Variants in DNAJC1 observed in about 807,000 individuals in gnomAD.
DNAJC1 encodes the protein DnaJ heat shock protein family (Hsp40) member C1.
In DNAJC1, 58 loss-of-function variants were observed where a neutral mutation model predicts 76.6. The ratio of observed to expected loss-of-function variants is 0.76; its 90% confidence interval spans 0.61 to 0.94. DNAJC1 has a LOEUF of 0.94. Ranked by LOEUF, DNAJC1 falls within the 40% of genes least tolerant of loss-of-function variation. The probability of loss-of-function intolerance (pLI) is 0.00; values close to 1 mark genes in which losing one functional copy is unlikely to be tolerated. For missense variants in DNAJC1, 689 were observed against 677.3 expected, an observed-to-expected ratio of 1.02 and a Z score of -0.19; for synonymous variants, 258 against 267.9, an observed-to-expected ratio of 0.96 and a Z score of 0.36.
intron 6 of DNAJC1, 36 bp from the exon 7 acceptor site, chr10:21,904,648 A>C (rs1160572935): frequency 7.7e-7 from 1 of 1,301,002 alleles, no homozygotes; most frequent in East Asian, 2.4e-5. Context: ...TTAACATAAA[A>C]ATCAGTGTGC....
At chr10:21,920,410 A>G (rs1837022441) in intron 4 of DNAJC1, among the ~76,000 whole-genome samples, 3 of 151,976 alleles carry the variant, frequency 2.0e-5, no homozygotes. Flanking sequence ...TTCCAATTTT[A>G]TTTATTTACC....
chr10:21,847,317 T>C (rs772741475), intron 8 of DNAJC1, among the ~76,000 whole-genome samples: 9 of 152,154 alleles, frequency 5.9e-5, no homozygotes, highest in Non-Finnish European at 1.2e-4. Context: ...TCTTTTAAAA[T>C]TGATATATAA....
chr10:21,868,406 A>G (rs1836045005), intron 8 of DNAJC1, among the ~76,000 whole-genome samples: 1 of 151,970 alleles, frequency 6.6e-6, no homozygotes. Flanking sequence ...TACAGGCGTG[A>G]GCCACCATGC....
At position 21,817,895 on chromosome 10, in the gene DNAJC1, C is replaced by T. The variant is rs573539033; in HGVS notation, c.979-11796G>A. 4.6e-5 allele frequency among the ~76,000 whole-genome samples: 7 copies of T among 152,270 alleles called. No homozygotes were observed. The East Asian group carries it at 1.4e-3, about 29-fold the overall frequency. On this transcript the variant is annotated intron_variant, in intron 8 of 11. Coordinates refer to ENST00000376980, the MANE Select transcript of DNAJC1 (RefSeq NM_022365.4). Reference sequence around the variant, plus strand: ...TCTATGCCTGTCTTTAATCTCTTAACCCCGTCATTTTCGTAAGCTGAGGAG... The same window carrying T: ...TCTATGCCTGTCTTTAATCTCTTAATCCCGTCATTTTCGTAAGCTGAGGAG...
chr10:21,966,056 T>C (rs1438464338), intron 1 of DNAJC1, among the ~76,000 whole-genome samples: 1 of 152,230 alleles, frequency 6.6e-6, no homozygotes, highest in African/African-American at 2.4e-5. Flanking sequence ...TTGACACTTC[T>C]AAAGAGTACC....
Position 22,003,485 on chromosome 10 carries a change from C to T in DNAJC1, c.-51G>A. ...GCCGCGCAGCTCCGTTGGCCGAGAG[C>T]TGGGACGTGGCGGGCGGCGCTGGCT... On this transcript the variant is annotated 5_prime_UTR_variant, in exon 1 of 12. Coordinates refer to ENST00000376980, the MANE Select transcript of DNAJC1 (RefSeq NM_022365.4). The T allele has an allele frequency of 7.6e-7, 1 of 1,311,574 alleles. No individual in the cohort carries two copies. Among genetic ancestry groups the T allele is most frequent in the Non-Finnish European group, 9.6e-7 (1 of 1,036,640 alleles). 81.2% of individuals were successfully genotyped at this position (1,311,574 alleles called of 1,614,324 possible).
At chr10:21,924,743 T>C (rs913126704) in intron 3 of DNAJC1, among the ~76,000 whole-genome samples, 2 of 152,166 alleles carry the variant, frequency 1.3e-5, no homozygotes, top group African/African-American at 4.8e-5. Context: ...TTAGGCAAAC[T>C]GTTAGGCAAG....
chr10:21,921,408 T>C (rs1255052810), intron 3 of DNAJC1, among the ~76,000 whole-genome samples: 1 of 152,018 alleles, frequency 6.6e-6, no homozygotes, highest in African/African-American at 2.4e-5. Context: ...AATTTTCTAG[T>C]CAGTGCTTTT....
intron 11 of DNAJC1, among the ~76,000 whole-genome samples, chr10:21,757,177 C>A (rs1589968341): frequency 6.6e-6 from 1 of 152,346 alleles, no homozygotes; most frequent in Middle Eastern, 3.4e-3. Context: ...GCTGCTAAGA[C>A]CTTTCCCGTG....
At chr10:21,973,779 G>C (rs1838020013) in intron 1 of DNAJC1, among the ~76,000 whole-genome samples, 1 of 151,912 alleles carries the variant, frequency 6.6e-6, no homozygotes, top group African/African-American at 2.4e-5. Context: ...TGTTAGAAAA[G>C]ATCTGGAGAT....
intron 8 of DNAJC1, among the ~76,000 whole-genome samples, chr10:21,829,297 T>C (rs1408862182): frequency 3.9e-5 from 6 of 151,986 alleles, no homozygotes; most frequent in Non-Finnish European, 8.8e-5. Flanking sequence ...TCACTGCAGC[T>C]CCGCCTCCCG....
intron 1 of DNAJC1, among the ~76,000 whole-genome samples, chr10:21,998,062 G>A (rs915183431): frequency 6.6e-6 from 1 of 151,938 alleles, no homozygotes; most frequent in African/African-American, 2.4e-5. Flanking sequence ...TGTATACAAA[G>A]GATAAGGAAA....
In DNAJC1 at chr10:21,788,737, C is replaced by A. The variant is rs59352955; in HGVS notation, c.1098+17243G>T. On this transcript the variant is annotated intron_variant, in intron 9 of 11. Transcript: ENST00000376980. ...TCACATCCAGCGTCCTGAGTTGTCACTGAGCCCTACTGGTTCAAGCTCCTG... is the reference window on the plus strand; with the variant it reads ...TCACATCCAGCGTCCTGAGTTGTCAATGAGCCCTACTGGTTCAAGCTCCTG... 1.6e-3 allele frequency among the ~76,000 whole-genome samples: 239 copies of A among 152,286 alleles called. 1 individual carries two copies. The highest frequency in any genetic ancestry group is 5.4e-3 in the African/African-American group (223 of 41,568).
chr10:21,813,150 GTCTCTCTCTCTCTCTCTCTCTCTCCC>G (rs1214640638), intron 8 of DNAJC1, among the ~76,000 whole-genome samples: 48 of 66,100 alleles, frequency 7.3e-4, no homozygotes, highest in East Asian at 3.0e-3. Flanking sequence ...TGGGTTACTT[GTCTCTCTCTCTCTCTCTCTCTCTCCC>G]TCTCTCTCTC....
chr10:21,849,334 T>C (rs1274693952), intron 8 of DNAJC1, among the ~76,000 whole-genome samples: 5 of 126,080 alleles, frequency 4.0e-5, no homozygotes, highest in African/African-American at 1.2e-4. Context: ...ATGCCTACAC[T>C]GATAAGAAGT....
intron 8 of DNAJC1, among the ~76,000 whole-genome samples, chr10:21,833,007 C>G (rs1295665797): frequency 6.6e-6 from 1 of 152,210 alleles, no homozygotes; most frequent in African/African-American, 2.4e-5. Flanking sequence ...TTCCCCACCC[C>G]ACTTCTAAAT....
rs191705423 is a variant in DNAJC1 at position 21,926,308 on chromosome 10, C to T, written c.371+2198G>A. On this transcript the variant is annotated intron_variant, in intron 3 of 11. Transcript: ENST00000376980. ...AAAGTTATTTGGTTTGTTAATTTAT[C>T]AATTTAACTGCTATTCCCTTTTCCA... Among the ~76,000 whole-genome samples, 252 of 147,164 alleles carry T rather than the reference C, an allele frequency of 1.7e-3. 4 individuals carry two copies. The highest frequency in any genetic ancestry group is 2.5e-4 in the Non-Finnish European group (17 of 66,790).
rs367795204 is a variant in DNAJC1, at chr10:21,831,744, C to T, written c.979-25645G>A. Reference sequence around the variant, plus strand: ...GGTGGAGCTTGTAGTGAGCTGAGATCGCACCACTGCACTCCAGCCTGGGCG... The same window carrying T: ...GGTGGAGCTTGTAGTGAGCTGAGATTGCACCACTGCACTCCAGCCTGGGCG... On this transcript the variant is annotated intron_variant, in intron 8 of 11. Coordinates refer to ENST00000376980, the MANE Select transcript of DNAJC1 (RefSeq NM_022365.4). 4.7e-5 allele frequency among the ~76,000 whole-genome samples: 7 copies of T among 147,638 alleles called. No individual in the cohort carries two copies. In the East Asian group the frequency reaches 8.1e-4, roughly 17 times the overall value.
intron 1 of DNAJC1, among the ~76,000 whole-genome samples, chr10:21,968,870 A>T (rs897167084): frequency 6.6e-6 from 1 of 152,102 alleles, no homozygotes; most frequent in Non-Finnish European, 1.5e-5. Flanking sequence ...AAGTGGCAAT[A>T]ACAAGGCAGC....
Sources: allele counts gnomAD v4.1 joint callset (sites outside exome capture counted in the v4.1 genomes callset), GRCh38; gene constraint gnomAD v4.1.1; transcripts MANE v1.5; gene names NCBI Gene and HGNC (gene_info 2026-07-23, HGNC 2026-07-21).